ARHGAP8: variants seen among roughly 807,000 people sequenced by gnomAD.
The protein encoded by ARHGAP8 is Rho GTPase activating protein 8, also known as rho GTPase-activating protein 8.
In ARHGAP8, 62 loss-of-function variants were observed where a neutral mutation model predicts 46.1. That is an observed-to-expected ratio of 1.34 (90% CI 1.10 to 1.66). The LOEUF is 1.66. ARHGAP8 is among the 40% of genes most tolerant of loss of function. The pLI is 0.00. For missense variants in ARHGAP8, 923 were observed against 568.4 expected, an observed-to-expected ratio of 1.62 and a Z score of -6.34; for synonymous variants, 375 against 243.1, an observed-to-expected ratio of 1.54 and a Z score of -5.05.
rs776223636 is a variant in ARHGAP8, at chr22:44,802,031, T to C, written c.80-46T>C. On this transcript the variant is annotated intron_variant, in intron 2 of 11. Coordinates refer to ENST00000356099, the MANE Select transcript of ARHGAP8 (RefSeq NM_181335.3). ...CTTTTTGCTAAGTGCCTGAGGATTT[T>C]CTAGGAGAAGGTGGCACAGAGGCTC... The C allele has an allele frequency of 3.1e-6, 5 of 1,607,592 alleles. No individual in the cohort carries two copies. In the African/African-American group the frequency reaches 5.3e-5, roughly 17 times the overall value.
rs577871713 is a variant in ARHGAP8 at position 44,773,539 on chromosome 22, G to T, written c.-71-12918G>T. Reference sequence around the variant, plus strand: ...GACAGATGTTTTATGACACCAGGATGGTATGGGATTTGTAAAACTATGTGA... The same window carrying T: ...GACAGATGTTTTATGACACCAGGATTGTATGGGATTTGTAAAACTATGTGA... On this transcript the variant is annotated intron_variant, in intron 1 of 11. Transcript: ENST00000356099. Among the ~76,000 whole-genome samples, 13 of 152,236 alleles carry T rather than the reference G, an allele frequency of 8.5e-5. 1 individual carries two copies. Among genetic ancestry groups the T allele is most frequent in the African/African-American group, 3.1e-4 (13 of 41,542 alleles).
At chr22:44,829,064 G>C in intron 7 of ARHGAP8, among the ~76,000 whole-genome samples, 1 of 142,304 alleles carries the variant, frequency 7.0e-6, no homozygotes. Flanking sequence ...CCTGAGGTCA[G>C]GAGTTCAAGA....
chr22:44,861,372 T>G (rs2070474317), intron 11 of ARHGAP8, among the ~76,000 whole-genome samples: 2 of 152,226 alleles, frequency 1.3e-5, no homozygotes, highest in African/African-American at 2.4e-5. Context: ...TTGCGTGTTA[T>G]CACCCCAGTG....
At chr22:44,852,784 T>C (rs1248777169) in intron 10 of ARHGAP8, among the ~76,000 whole-genome samples, 1 of 151,976 alleles carries the variant, frequency 6.6e-6, no homozygotes, top group Non-Finnish European at 1.5e-5. Flanking sequence ...GTTCCGGGGA[T>C]TTTTTTTATT....
intron 1 of ARHGAP8, among the ~76,000 whole-genome samples, chr22:44,761,779 A>G (rs887291045): frequency 5.3e-5 from 8 of 152,216 alleles, no homozygotes; most frequent in African/African-American, 1.9e-4. Flanking sequence ...AAAGAGGTTT[A>G]ATTGACTTAC....
intron 5 of ARHGAP8, among the ~76,000 whole-genome samples, chr22:44,821,957 C>T (rs1163459364): frequency 1.3e-5 from 2 of 152,204 alleles, no homozygotes; most frequent in Non-Finnish European, 2.9e-5. Context: ...ACCCCAAAAC[C>T]GCGAGCAACT....
intron 1 of ARHGAP8, among the ~76,000 whole-genome samples, chr22:44,763,632 G>A (rs998610244): frequency 4.6e-5 from 7 of 151,892 alleles, no homozygotes; most frequent in Admixed American, 3.9e-4. Flanking sequence ...AAAGGGAATC[G>A]GAAGGACAGG....
At chr22:44,807,656 A>T (rs912856326) in intron 3 of ARHGAP8, among the ~76,000 whole-genome samples, 11 of 152,090 alleles carry the variant, frequency 7.2e-5, no homozygotes, top group African/African-American at 2.7e-4. Context: ...ATGATCGCAA[A>T]TGTGGTGGCG....
chr22:44,831,522 A>AT (rs1930943958), intron 7 of ARHGAP8, among the ~76,000 whole-genome samples: 1 of 151,802 alleles, frequency 6.6e-6, no homozygotes, highest in East Asian at 1.9e-4. Context: ...ATGGTGAAAC[A>AT]CCCATCTCTA....
intron 1 of ARHGAP8, among the ~76,000 whole-genome samples, chr22:44,761,116 G>A (rs2146990898): frequency 6.6e-6 from 1 of 152,332 alleles, no homozygotes; most frequent in African/African-American, 2.4e-5. Context: ...GATACTGTTT[G>A]AGCAAATCCA....
intron 1 of ARHGAP8, among the ~76,000 whole-genome samples, chr22:44,771,283 G>A (rs1925979238): frequency 9.3e-6 from 1 of 107,654 alleles, no homozygotes. Context: ...TTCTTGCTCT[G>A]TCGCCCAGGC....
chr22:44,837,306 G>C (rs1931353109), intron 7 of ARHGAP8, among the ~76,000 whole-genome samples: 2 of 152,198 alleles, frequency 1.3e-5, no homozygotes. Flanking sequence ...GTACAAGCAA[G>C]AATTCTATGC....
chr22:44,758,067 A>T (rs1924826462), intron 1 of ARHGAP8, among the ~76,000 whole-genome samples: 1 of 152,080 alleles, frequency 6.6e-6, no homozygotes, highest in South Asian at 2.1e-4. Flanking sequence ...GGCTGCCTGA[A>T]CTTCTCCAGG....
intron 1 of ARHGAP8, among the ~76,000 whole-genome samples, chr22:44,770,763 A>G (rs1925940901): frequency 6.6e-6 from 1 of 152,152 alleles, no homozygotes; most frequent in Non-Finnish European, 1.5e-5. Flanking sequence ...GAAGATATAA[A>G]TCTTGTGACC....
chr22:44,804,260 C>G (rs1224330189), intron 3 of ARHGAP8, among the ~76,000 whole-genome samples: 1 of 152,014 alleles, frequency 6.6e-6, no homozygotes, highest in Admixed American at 6.6e-5. Flanking sequence ...GGCCACACTG[C>G]TTTCATAAGG....
rs151197082 is a variant in ARHGAP8 at position 44,825,546 on chromosome 22, G to A, written c.549G>A (p.Pro183=). The change falls in exon 7 of 12, where the codon CCG becomes CCA. Residue 183 remains proline, a synonymous_variant. Coordinates refer to ENST00000356099, the MANE Select transcript of ARHGAP8 (RefSeq NM_181335.3). ...GRTPPPTKTP[P]PRPPLPTQQF... ...CGCCGCCTCCCACCAAGACACCACC[G>A]CCGCGGCCCCCGCTGCCCACACAGC... is the stretch of plus-strand genomic sequence containing the variant. 219 of 1,613,232 alleles carry A rather than the reference G, an allele frequency of 1.4e-4. 1 individual carries two copies. The highest frequency in any genetic ancestry group is 1.3e-4 in the Non-Finnish European group (151 of 1,179,786).
chr22:44,820,867 G>A (rs1930079439), intron 5 of ARHGAP8, among the ~76,000 whole-genome samples: 1 of 152,154 alleles, frequency 6.6e-6, no homozygotes, highest in African/African-American at 2.4e-5. Context: ...TGGTGCTGGC[G>A]CTGGACTGAG....
At chr22:44,821,460 T>C (rs947685561) in intron 5 of ARHGAP8, among the ~76,000 whole-genome samples, 3 of 151,836 alleles carry the variant, frequency 2.0e-5, no homozygotes, top group African/African-American at 2.4e-5. Flanking sequence ...CTTAAACATA[T>C]ACAATAAAGA....
At chr22:44,784,224 T>C (rs12162780) in intron 1 of ARHGAP8, among the ~76,000 whole-genome samples, 1 of 152,022 alleles carries the variant, frequency 6.6e-6, no homozygotes, top group Non-Finnish European at 1.5e-5. Context: ...GCCAACATGG[T>C]GAAACCCTGT....
Sources: gnomAD v4.1 joint callset for allele counts (sites outside exome capture counted in the v4.1 genomes callset) on GRCh38, gnomAD v4.1.1 for gene constraint, MANE v1.5 for transcripts, NCBI Gene and HGNC (gene_info 2026-07-23, HGNC 2026-07-21) for gene names.